DHRS1: variants seen among roughly 807,000 people sequenced by gnomAD.
The protein encoded by DHRS1 is dehydrogenase/reductase 1.
DHRS1 carries 34 observed loss-of-function variants against 35.2 expected under a neutral mutation model. The ratio of observed to expected loss-of-function variants is 0.97; its 90% CI spans 0.74 to 1.29. The LOEUF is 1.29. Ranked by LOEUF, DHRS1 falls within the 50% of genes most tolerant of loss-of-function variation. The probability of loss-of-function intolerance (pLI) is 0.00; values close to 1 mark genes in which losing one functional copy is unlikely to be tolerated. For missense variants in DHRS1, 354 were observed against 403.6 expected, an observed-to-expected ratio of 0.88 and a Z score of 1.05; for synonymous variants, 133 against 160.0, an observed-to-expected ratio of 0.83 and a Z score of 1.27.
At chr14:24,295,164 C>T (rs577324184) in intron 4 of DHRS1, among the ~76,000 whole-genome samples, 24 of 151,968 alleles carry the variant, frequency 1.6e-4, no homozygotes, top group South Asian at 8.3e-4. Flanking sequence ...CAATAGAATA[C>T]GTACAAGTAT....
At chr14:24,296,661 A>G in intron 3 of DHRS1, 73 bp from the exon 4 acceptor site, 1 of 1,613,570 alleles carries the variant, frequency 6.2e-7, no homozygotes, top group Non-Finnish European at 8.5e-7. Context: ...TGGAAGGGAC[A>G]ATGAGTGGGG....
chr14:24,291,231 C>CA lies in DHRS1; in HGVS notation c.725-13dup. ...CAGGATATTGGGATCTGCGGGCACA[C>CA]AGACAGGTGGAGATGGCAGGCAGGG... is the stretch of plus-strand genomic sequence containing the variant. On this transcript the variant is annotated splice_polypyrimidine_tract_variant and intron_variant, in intron 7 of 8. Coordinates refer to ENST00000288111, the MANE Select transcript of DHRS1 (RefSeq NM_001136050.3). The CA allele has an allele frequency of 1.2e-6, 2 of 1,613,986 alleles. No individual in the cohort carries two copies. Among genetic ancestry groups the CA allele is most frequent in the African/African-American group, 1.3e-5 (1 of 75,030 alleles).
chr14:24,298,456 C>T (rs538793552), intron 2 of DHRS1, among the ~76,000 whole-genome samples: 13 of 152,286 alleles, frequency 8.5e-5, no homozygotes, highest in African/African-American at 3.1e-4. Context: ...ATTTATTTAA[C>T]TGAAGTCTAG....
Position 24,292,770 on chromosome 14 carries a change from C to T in DHRS1, c.389G>A (p.Cys130Tyr). 1 of 1,612,832 alleles carries T rather than the reference C, an allele frequency of 6.2e-7. No homozygotes were observed. Among genetic ancestry groups the T allele is most frequent in the Non-Finnish European group, 8.5e-7 (1 of 1,179,522 alleles). Reference sequence around the variant, plus strand: ...CATCAGCCGTGCCCCATACACTGAGCAAAAGTAGTGGCCTCTAGAAGGTGG... The same window carrying T: ...CATCAGCCGTGCCCCATACACTGAGTAAAAGTAGTGGCCTCTAGAAGGTGG... ...NNVGLRGHYFCSVYGARLMVP... is the reference protein window; with the variant it reads ...NNVGLRGHYFYSVYGARLMVP... The change falls in exon 5 of 9, where the codon TGC becomes TAC. Residue 130 changes from cysteine (C) to tyrosine (Y), a missense_variant. Transcript: ENST00000288111.
At position 24,299,657 on chromosome 14, in the gene DHRS1, C is replaced by T. The variant is rs1594614663; in HGVS notation, c.-101G>A. On this transcript the variant is annotated 5_prime_UTR_variant, in exon 1 of 9. Coordinates refer to ENST00000288111, the MANE Select transcript of DHRS1 (RefSeq NM_001136050.3). ...GTCTGGGTTCTCGCCCAGATTGAGC[C>T]GGCGACGTGGAGGCAGTGTTCAAGG... 2.8e-6 allele frequency: 1 copy of T among 353,804 alleles called. No homozygotes were observed. The highest frequency in any genetic ancestry group is 5.1e-6 in the Non-Finnish European group (1 of 194,646). 21.9% of individuals were successfully genotyped at this position (353,804 alleles called of 1,614,324 possible).
intron 7 of DHRS1, 135 bp downstream of exon 7, chr14:24,291,421 C>G: frequency 8.9e-7 from 1 of 1,120,842 alleles, no homozygotes; most frequent in Non-Finnish European, 1.4e-6. Context: ...GAATGCTGAC[C>G]CCTTGGGCCT....
intron 7 of DHRS1, 152 bp downstream of exon 7, chr14:24,291,404 A>C: frequency 1.9e-6 from 2 of 1,072,672 alleles, no homozygotes; most frequent in Non-Finnish European, 2.9e-6. Context: ...CTCAGACCTC[A>C]AACTGGGAAT....
At position 24,299,066 on chromosome 14, in the gene DHRS1, C is replaced by G; in HGVS notation, c.41G>C (p.Gly14Ala). 1.2e-6 allele frequency: 2 copies of G among 1,613,986 alleles called. No homozygotes were observed. The highest frequency in any genetic ancestry group is 1.7e-6 in the Non-Finnish European group (2 of 1,179,914). Residue 14 changes from glycine to alanine, a missense_variant, in exon 2 of 9, where the codon GGT (glycine) becomes GCT (alanine). Coordinates refer to ENST00000288111, the MANE Select transcript of DHRS1 (RefSeq NM_001136050.3). ...PMNGQVCVVT[G>A]ASRGIGRGIA... ...GCCACGGCCAATACCCCTGGAGGCA[C>G]CAGTCACCACACACACTTGGCCATT...
In DHRS1 at chr14:24,292,211, C is replaced by G. The variant is rs1439502400; in HGVS notation, c.627G>C (p.Glu209Asp). The G allele has an allele frequency of 6.2e-7, 1 of 1,614,036 alleles. No individual in the cohort carries two copies. The highest frequency in any genetic ancestry group is 8.5e-7 in the Non-Finnish European group (1 of 1,180,050). The change falls in exon 6 of 9, where the codon GAG (glutamate) becomes GAC (aspartate). Residue 209 changes from glutamate (E) to aspartate (D), a missense_variant. Physicochemically the swap from Glu to Asp is conservative, Grantham distance 45. Coordinates refer to ENST00000288111, the MANE Select transcript of DHRS1 (RefSeq NM_001136050.3). ...GCTTCAACACAGGATCCTGCAGGAC[C>G]TCCTCCTTTGCCATATGCTCCTTCA... ...ELLKEHMAKE[E>D]VLQDPVLKQF...
At position 24,299,614 on chromosome 14, in the gene DHRS1, T is replaced by C. The variant is rs1019161795; in HGVS notation, c.-58A>G. 1 of 286,464 alleles carries C rather than the reference T, an allele frequency of 3.5e-6. No individual in the cohort carries two copies. The highest frequency in any genetic ancestry group is 6.2e-5 in the East Asian group (1 of 16,044). The allele number at this position is 286,464 out of a possible 1,614,324, so 17.7% of individuals were successfully genotyped here. A position where few individuals can be genotyped will look rare whatever the true frequency, so the allele number is the denominator to read the frequency against. On this transcript the variant is annotated 5_prime_UTR_variant, in exon 1 of 9. Transcript: ENST00000288111. ...TGCGCTGCCGCTGAGGTCTGCAGAT[T>C]GCGGGGCTGCGGTGGAAGTCTGGGT... is the stretch of plus-strand genomic sequence containing the variant.
At chr14:24,299,277 A>G (rs906510740) in intron 1 of DHRS1, 147 bp from the exon 2 acceptor site, 2 of 729,310 alleles carry the variant, frequency 2.7e-6, no homozygotes, top group African/African-American at 3.6e-5. Context: ...AGAGGCTGAC[A>G]ACTGGGTGCG....
intron 5 of DHRS1, 135 bp from the exon 6 acceptor site, chr14:24,292,465 C>T (rs1241611787): frequency 2.7e-6 from 4 of 1,472,682 alleles, no homozygotes; most frequent in Non-Finnish European, 3.7e-6. Context: ...TGCCCACGCT[C>T]CCCAGTGTGA....
intron 7 of DHRS1, 164 bp downstream of exon 7, chr14:24,291,392 C>A: frequency 9.7e-7 from 1 of 1,032,882 alleles, no homozygotes; most frequent in Non-Finnish European, 1.5e-6. Flanking sequence ...GCTCCTAAGG[C>A]TCTCAGACCT....
intron 4 of DHRS1, among the ~76,000 whole-genome samples, chr14:24,295,938 C>T (rs1369082448): frequency 6.6e-6 from 1 of 152,204 alleles, no homozygotes; most frequent in African/African-American, 2.4e-5. Context: ...ATCATTCCAA[C>T]AGTAACAGAG....
chr14:24,292,157 T>C, intron 6 of DHRS1, 27 bp downstream of exon 6: 2 of 1,613,992 alleles, frequency 1.2e-6, no homozygotes. Flanking sequence ...CCCTGTTCTC[T>C]GCTTCCTTCG....
intron 4 of DHRS1, among the ~76,000 whole-genome samples, chr14:24,295,488 G>A (rs938118757): frequency 6.6e-6 from 1 of 152,214 alleles, no homozygotes. Context: ...GGGTGGGCAG[G>A]AGGTGCTGGG....
At position 24,299,683 on chromosome 14, in the gene DHRS1, A is replaced by T. The variant is rs545956240; in HGVS notation, c.-127T>A. 7.2e-5 allele frequency: 30 copies of T among 417,996 alleles called. No individual in the cohort carries two copies. The highest frequency in any genetic ancestry group is 5.5e-4 in the African/African-American group (27 of 49,220). 25.9% of individuals were successfully genotyped at this position (417,996 alleles called of 1,614,324 possible). On this transcript the variant is annotated 5_prime_UTR_variant, in exon 1 of 9. Transcript: ENST00000288111. ...GGCGACGTGGAGGCAGTGTTCAAGG[A>T]TTGATTCTGTAGTAGGACCCGGGGC...
intron 2 of DHRS1, 128 bp downstream of exon 2, chr14:24,298,829 T>G: frequency 8.7e-7 from 1 of 1,144,968 alleles, no homozygotes; most frequent in Non-Finnish European, 1.2e-6. Context: ...TAATTTCCAC[T>G]TTGAATAAAT....
Position 24,299,627 on chromosome 14 carries a change from T to G in DHRS1, c.-71A>C. The G allele has an allele frequency of 3.3e-6, 1 of 299,708 alleles. No individual in the cohort carries two copies. The highest frequency in any genetic ancestry group is 5.7e-5 in the East Asian group (1 of 17,564). The allele number at this position is 299,708 out of a possible 1,614,324, so 18.6% of individuals were successfully genotyped here. On this transcript the variant is annotated 5_prime_UTR_variant, in exon 1 of 9. Transcript: ENST00000288111. The stretch of plus-strand genomic sequence containing the variant: ...AGGTCTGCAGATTGCGGGGCTGCGG[T>G]GGAAGTCTGGGTTCTCGCCCAGATT...
Sources: gnomAD v4.1 joint callset for allele counts (sites outside exome capture counted in the v4.1 genomes callset) on GRCh38, gnomAD v4.1.1 for gene constraint, MANE v1.5 for transcripts, NCBI Gene and HGNC (gene_info 2026-07-23, HGNC 2026-07-21) for gene names.